Variants in SEC24D observed in about 807,000 individuals in gnomAD.
SEC24D encodes the protein SEC24 homolog D, COPII component, also known as protein transport protein Sec24D.
A neutral mutation model predicts 116.9 loss-of-function variants in SEC24D; 69 were observed. The observed-to-expected ratio is 0.59, with a 90% CI of 0.49 to 0.72. The LOEUF is 0.72. SEC24D is among the 30% of genes least tolerant of loss of function. The pLI, the probability that SEC24D is intolerant of heterozygous loss-of-function variation, is 0.00. For synonymous variants in SEC24D, 405 were observed against 442.8 expected (o/e 0.91, Z 1.07); for missense variants, 1,131 against 1,264.1 (o/e 0.89, Z 1.60).
intron 8 of SEC24D, among the ~76,000 whole-genome samples, chr4:118,774,990 T>C (rs1728065430): frequency 6.6e-6 from 1 of 152,198 alleles, no homozygotes; most frequent in African/African-American, 2.4e-5. Context: ...CTTAGAGGCT[T>C]TGTCTAATCC....
chr4:118,795,199 C>G (rs575221683), intron 8 of SEC24D, among the ~76,000 whole-genome samples: 18 of 151,254 alleles, frequency 1.2e-4, no homozygotes, highest in Admixed American at 2.6e-4. Context: ...AAAGTCAGCA[C>G]ATAAAAACTT....
At chr4:118,805,793 C>T (rs538786949) in intron 7 of SEC24D, 50 bp downstream of exon 7, 27 of 1,137,812 alleles carry the variant, frequency 2.4e-5, no homozygotes, top group African/African-American at 6.5e-5. Context: ...GCTTTAAAAA[C>T]GGTGAGAAAT....
intron 7 of SEC24D, among the ~76,000 whole-genome samples, chr4:118,803,105 G>A (rs1729518473): frequency 1.3e-5 from 2 of 152,098 alleles, no homozygotes; most frequent in Admixed American, 1.3e-4. Context: ...GAAGAATGGG[G>A]AGTTATTGTT....
intron 8 of SEC24D, among the ~76,000 whole-genome samples, chr4:118,797,085 C>G (rs1488041976): frequency 2.0e-5 from 3 of 152,150 alleles, no homozygotes; most frequent in Non-Finnish European, 4.4e-5. Flanking sequence ...TGGGTTGTTC[C>G]TGGAAGTCTA....
chr4:118,835,427 C>G (rs1054632084), intron 1 of SEC24D, among the ~76,000 whole-genome samples: 2 of 152,182 alleles, frequency 1.3e-5, no homozygotes, highest in Non-Finnish European at 2.9e-5. Flanking sequence ...GGAGCCCCAA[C>G]CCCAGAACGG....
chr4:118,766,442 C>T (rs369252990), intron 9 of SEC24D: 3 of 152,204 alleles, frequency 2.0e-5, no homozygotes, highest in African/African-American at 7.2e-5. Flanking sequence ...CTATGGGAGT[C>T]TGGCTTCCTT....
chr4:118,748,866 C>G (rs1441272095), intron 13 of SEC24D, among the ~76,000 whole-genome samples: 1 of 152,086 alleles, frequency 6.6e-6, no homozygotes, highest in East Asian at 1.9e-4. Context: ...CTATGGTGCT[C>G]CATAAACCTT....
intron 1 of SEC24D, among the ~76,000 whole-genome samples, 196 bp from the exon 2 acceptor site, chr4:118,833,933 G>A (rs1730985739): frequency 1.3e-5 from 2 of 152,178 alleles, no homozygotes; most frequent in Non-Finnish European, 1.5e-5. Flanking sequence ...CTGAAACTCA[G>A]TAAATCACTT....
chr4:118,784,708 G>A (rs1167373759), intron 8 of SEC24D, among the ~76,000 whole-genome samples: 1 of 149,068 alleles, frequency 6.7e-6, no homozygotes, highest in South Asian at 2.1e-4. Context: ...CCTCTTTTTT[G>A]TTACAGGTAC....
At chr4:118,731,108 C>A in intron 21 of SEC24D, 1 of 547,972 alleles carries the variant, frequency 1.8e-6, no homozygotes, top group South Asian at 2.1e-5. Flanking sequence ...CTATTAAAGT[C>A]ACATATTTTA....
At chr4:118,776,324 G>A (rs115718057) in intron 8 of SEC24D, among the ~76,000 whole-genome samples, 1,631 of 152,284 alleles carry the variant, frequency 0.011, 18 homozygotes, top group Non-Finnish European at 0.017. Context: ...AGCAAGCACA[G>A]CTGTGACCTT....
chr4:118,791,132 A>G (rs1180257893), intron 8 of SEC24D, among the ~76,000 whole-genome samples: 6 of 152,036 alleles, frequency 3.9e-5, no homozygotes. Context: ...TGTCTCACAC[A>G]ATTAGATAAA....
intron 8 of SEC24D, among the ~76,000 whole-genome samples, chr4:118,791,139 T>A (rs1728875516): frequency 6.6e-6 from 1 of 152,128 alleles, no homozygotes; most frequent in Non-Finnish European, 1.5e-5. Flanking sequence ...CACAATTAGA[T>A]AAACGATAGT....
At chr4:118,782,672 G>A (rs1400364424) in intron 8 of SEC24D, among the ~76,000 whole-genome samples, 2 of 152,238 alleles carry the variant, frequency 1.3e-5, no homozygotes, top group Admixed American at 1.3e-4. Flanking sequence ...AGAAGTTTCT[G>A]CTGCCTTTTG....
intron 8 of SEC24D, among the ~76,000 whole-genome samples, chr4:118,797,155 T>C (rs1475842218): frequency 6.6e-6 from 1 of 152,180 alleles, no homozygotes; most frequent in Non-Finnish European, 1.5e-5. Context: ...ACCACTTATC[T>C]TTTTTTCCCG....
intron 8 of SEC24D, among the ~76,000 whole-genome samples, chr4:118,785,486 A>G (rs2110491594): frequency 6.6e-6 from 1 of 152,316 alleles, no homozygotes; most frequent in African/African-American, 2.4e-5. Flanking sequence ...ACAGGGGAGA[A>G]TGGGGCTTGG....
intron 2 of SEC24D, among the ~76,000 whole-genome samples, chr4:118,828,967 C>T (rs13117496): frequency 0.047 from 7,089 of 152,282 alleles, 236 homozygotes; most frequent in Non-Finnish European, 0.073. Context: ...CCCGACCTGG[C>T]CAATTCTCAC....
chr4:118,835,552 A>G (rs997385324), intron 1 of SEC24D, among the ~76,000 whole-genome samples: 1 of 152,218 alleles, frequency 6.6e-6, no homozygotes, highest in African/African-American at 2.4e-5. Context: ...GCTTCAAGAT[A>G]TAGTTGCCAT....
intron 3 of SEC24D, among the ~76,000 whole-genome samples, chr4:118,824,155 G>GTT (rs540081521): frequency 2.0e-5 from 3 of 150,636 alleles, no homozygotes; most frequent in African/African-American, 7.3e-5. Context: ...AACTTTTCTT[G>GTT]TTTTTTTTTG....
Sources: gnomAD v4.1 joint callset for allele counts (sites outside exome capture counted in the v4.1 genomes callset) on GRCh38, gnomAD v4.1.1 for gene constraint, MANE v1.5 for transcripts, NCBI Gene and HGNC (gene_info 2026-07-23, HGNC 2026-07-21) for gene names.